Variants in EIF3K observed in about 807,000 individuals in gnomAD.
EIF3K encodes eukaryotic translation initiation factor 3 subunit K.
In EIF3K, 27 loss-of-function variants were observed where a neutral mutation model predicts 34.2. The ratio of observed to expected loss-of-function variants is 0.79; its 90% confidence interval spans 0.58 to 1.09. The LOEUF (loss-of-function observed/expected upper bound fraction) is 1.09. Among genes scored for constraint, EIF3K ranks in the 50% least tolerant of loss-of-function variants. The pLI, the probability that EIF3K is intolerant of heterozygous loss-of-function variation, is 0.00. For synonymous variants in EIF3K, 105 were observed against 105.7 expected (o/e 0.99, Z 0.04); for missense variants, 232 against 275.4 (o/e 0.84, Z 1.11).
At chr19:38,627,586 C>T (rs1169972899) in intron 4 of EIF3K, among the ~76,000 whole-genome samples, 1 of 151,898 alleles carries the variant, frequency 6.6e-6, no homozygotes, top group South Asian at 2.1e-4. Context: ...ATCACTTGAA[C>T]CCAGTGGGTT....
intron 3 of EIF3K, among the ~76,000 whole-genome samples, chr19:38,625,597 C>T (rs1035190023): frequency 6.6e-5 from 10 of 151,132 alleles, no homozygotes; most frequent in African/African-American, 1.7e-4. Context: ...ACAACCTCCT[C>T]CTCCCGGGTT....
chr19:38,630,039 G>A (rs1183900638), intron 4 of EIF3K, among the ~76,000 whole-genome samples: 1 of 152,166 alleles, frequency 6.6e-6, no homozygotes, highest in East Asian at 1.9e-4. Flanking sequence ...AGGATTTTTG[G>A]AAAATCATGT....
In EIF3K at chr19:38,624,199, T is replaced by G; in HGVS notation, c.279+2T>G. On this transcript the variant is annotated splice_donor_variant, in intron 3 of 7. Transcript: ENST00000248342. LOFTEE classifies it high-confidence loss of function. ...AAGTGCATGATCGACCAGGCACATG[T>G]ATCCTTCCAGCACTGGGGCCGGGGG... 1 of 1,614,108 alleles carries G rather than the reference T, an allele frequency of 6.2e-7. No homozygotes were observed. Among genetic ancestry groups the G allele is most frequent in the Non-Finnish European group, 8.5e-7 (1 of 1,179,980 alleles).
At chr19:38,627,438 G>T (rs1171453094) in intron 4 of EIF3K, among the ~76,000 whole-genome samples, 1 of 151,890 alleles carries the variant, frequency 6.6e-6, no homozygotes, top group Admixed American at 6.6e-5. Context: ...GCCGAGGCAG[G>T]TGGATCACCT....
At chr19:38,631,928 T>C in intron 4 of EIF3K, 1 of 215,012 alleles carries the variant, frequency 4.7e-6, no homozygotes, top group Non-Finnish European at 9.0e-6. Context: ...CATTTAACCC[T>C]GAGTTGACCC....
At chr19:38,622,695 G>A (rs551694982) in intron 2 of EIF3K, among the ~76,000 whole-genome samples, 17 of 152,210 alleles carry the variant, frequency 1.1e-4, no homozygotes, top group Admixed American at 1.0e-3. Context: ...GCCTGGGAAC[G>A]CTATGGGAGA....
intron 2 of EIF3K, among the ~76,000 whole-genome samples, chr19:38,622,606 CATCTT>C (rs555310010): frequency 6.2e-4 from 94 of 152,354 alleles, no homozygotes; most frequent in African/African-American, 2.2e-3. Context: ...TCATTGATAA[CATCTT>C]ATCAGGAGAC....
At chr19:38,634,090 C>CTTTTTTTT (rs757394196) in intron 6 of EIF3K, among the ~76,000 whole-genome samples, 1 of 86,036 alleles carries the variant, frequency 1.2e-5, no homozygotes, top group Non-Finnish European at 2.2e-5. Flanking sequence ...TAAAAGCTAA[C>CTTTTTTTT]TTTTTTTTTT....
chr19:38,630,934 C>T (rs1785207175), intron 4 of EIF3K: 1 of 152,262 alleles, frequency 6.6e-6, no homozygotes, highest in African/African-American at 2.4e-5. Flanking sequence ...CCTCAGCCTC[C>T]CAAAGTGCTG....
rs147020583 is a variant in EIF3K at position 38,632,656 on chromosome 19, C to G, written c.477C>G (p.Ala159=). The G allele has an allele frequency of 1.9e-6, 3 of 1,613,454 alleles. No homozygotes were observed. Among genetic ancestry groups the G allele is most frequent in the African/African-American group, 2.7e-5 (2 of 74,892 alleles). ...TYQHIDRWLL[A]EMLGDLSDSQ... is the part of the protein sequence containing the mutation. The stretch of plus-strand genomic sequence containing the variant: ...AGCACATTGACCGCTGGCTGCTGGC[C>G]GAGATGCTCGGGGATCTGTCGGGTA... Residue 159 remains alanine, a synonymous_variant, in exon 6 of 8, where the codon GCC becomes GCG. Coordinates refer to ENST00000248342, the MANE Select transcript of EIF3K (RefSeq NM_013234.4).
intron 4 of EIF3K, among the ~76,000 whole-genome samples, chr19:38,630,076 A>G (rs1324411882): frequency 1.3e-5 from 2 of 151,966 alleles, no homozygotes; most frequent in African/African-American, 4.8e-5. Context: ...TCATCTCTAA[A>G]ATGGATATAA....
intron 5 of EIF3K, 47 bp from the exon 6 acceptor site, chr19:38,632,553 AG>A (rs1976093063): frequency 6.2e-7 from 1 of 1,613,474 alleles, no homozygotes; most frequent in Non-Finnish European, 8.5e-7. Flanking sequence ...AGTGGCAGCC[AG>A]GTCCGGGGGG....
At chr19:38,631,816 G>C (rs1313590801) in intron 4 of EIF3K, among the ~76,000 whole-genome samples, 1 of 152,194 alleles carries the variant, frequency 6.6e-6, no homozygotes, top group East Asian at 1.9e-4. Context: ...CGCAGTGTTT[G>C]TGTCCCTGGG....
At chr19:38,635,607 C>T (rs1430213873) in intron 7 of EIF3K, 1 of 173,032 alleles carries the variant, frequency 5.8e-6, no homozygotes, top group Non-Finnish European at 1.2e-5. Context: ...GGTCCTTACA[C>T]TTACATCATT....
At chr19:38,626,227 GTGTGTT>G in intron 4 of EIF3K, 125 bp downstream of exon 4, 1 of 881,212 alleles carries the variant, frequency 1.1e-6, no homozygotes, top group Non-Finnish European at 1.9e-6. Flanking sequence ...CTCTGCATGT[GTGTGTT>G]TGTGGAATTA....
chr19:38,622,931 C>T (rs1017016628), intron 2 of EIF3K, among the ~76,000 whole-genome samples: 3 of 152,236 alleles, frequency 2.0e-5, no homozygotes, highest in South Asian at 4.1e-4. Flanking sequence ...CTCTCATTCC[C>T]GGAACAATTG....
chr19:38,634,940 G>T, intron 6 of EIF3K, 53 bp from the exon 7 acceptor site: 1 of 1,611,482 alleles, frequency 6.2e-7, no homozygotes, highest in Non-Finnish European at 8.5e-7. Flanking sequence ...TCAGTCCCCT[G>T]GAACTGTGGG....
intron 6 of EIF3K, 52 bp from the exon 7 acceptor site, chr19:38,634,941 G>T: frequency 6.2e-7 from 1 of 1,611,838 alleles, no homozygotes; most frequent in South Asian, 1.1e-5. Flanking sequence ...CAGTCCCCTG[G>T]AACTGTGGGA....
Position 38,632,127 on chromosome 19 carries a change from CA to C in EIF3K, c.355-302del, listed in dbSNP as rs1962942042. ...GAACGTTGTTGATAGGTAAGATTAC[CA>C]GTGTAGGCTGGGAGTGGTGGCTCAC... On this transcript the variant is annotated intron_variant, in intron 4 of 7. Coordinates refer to ENST00000248342, the MANE Select transcript of EIF3K (RefSeq NM_013234.4). 7 of 336,166 alleles carry C rather than the reference CA, an allele frequency of 2.1e-5. No homozygotes were observed. The South Asian group carries it at 2.5e-4, about 12-fold the overall frequency. The allele number at this position is 336,166 out of a possible 1,614,324, so 20.8% of individuals were successfully genotyped here.
Sources: gnomAD v4.1 joint callset for allele counts (sites outside exome capture counted in the v4.1 genomes callset) on GRCh38, gnomAD v4.1.1 for gene constraint, MANE v1.5 for transcripts, NCBI Gene and HGNC (gene_info 2026-07-23, HGNC 2026-07-21) for gene names.